KIF21A: variants seen among roughly 807,000 people sequenced by gnomAD.
KIF21A encodes kinesin family member 21A.
A neutral mutation model predicts 202.9 loss-of-function variants in KIF21A; 114 were observed. That is an observed-to-expected ratio of 0.56 (90% CI 0.48 to 0.66). KIF21A has a LOEUF of 0.66. KIF21A is among the 30% of genes least tolerant of loss of function. The pLI, the probability that KIF21A is intolerant of heterozygous loss-of-function variation, is 0.00. For missense variants in KIF21A, 1,677 were observed against 1,994.9 expected (o/e 0.84, Z 3.04); for synonymous variants, 667 against 670.8 (o/e 0.99, Z 0.09).
intron 1 of KIF21A, among the ~76,000 whole-genome samples, chr12:39,382,939 A>G (rs566929215): frequency 6.6e-6 from 1 of 152,336 alleles, no homozygotes; most frequent in African/African-American, 2.4e-5. Context: ...GCGTTACATT[A>G]CTGCATGAAG....
chr12:39,429,231 A>C (rs981410971), intron 1 of KIF21A, among the ~76,000 whole-genome samples: 1 of 152,194 alleles, frequency 6.6e-6, no homozygotes, highest in Non-Finnish European at 1.5e-5. Context: ...AAAAGGAATG[A>C]ATTTCCATTA....
At chr12:39,318,753 G>T (rs980562312) in intron 28 of KIF21A, among the ~76,000 whole-genome samples, 1 of 152,108 alleles carries the variant, frequency 6.6e-6, no homozygotes, top group Non-Finnish European at 1.5e-5. Flanking sequence ...AGGCCGAGGC[G>T]GGCGGATCAT....
chr12:39,330,740 A>G lies in KIF21A; in HGVS notation c.3319+6T>C. 1.2e-6 allele frequency: 2 copies of G among 1,613,686 alleles called. No individual in the cohort carries two copies. The highest frequency in any genetic ancestry group is 1.7e-6 in the Non-Finnish European group (2 of 1,179,602). The stretch of plus-strand genomic sequence containing the variant: ...ATTCATTCAACTAAAATTGAGAGCA[A>G]ATTACCTTGTAAAGCATGGCCTAGT... On this transcript the variant is annotated splice_donor_region_variant and intron_variant, in intron 23 of 37. Transcript: ENST00000361418.
intron 1 of KIF21A, among the ~76,000 whole-genome samples, chr12:39,371,003 C>A (rs556505937): frequency 1.6e-4 from 24 of 152,242 alleles, no homozygotes; most frequent in African/African-American, 3.9e-4. Context: ...AACTTACACA[C>A]TTATTCTCCT....
At chr12:39,351,005 TTGAC>T (rs1948326941) in intron 11 of KIF21A, among the ~76,000 whole-genome samples, 1 of 152,130 alleles carries the variant, frequency 6.6e-6, no homozygotes, top group African/African-American at 2.4e-5. Context: ...TAAATTTAAT[TTGAC>T]TGGCATGCTC....
intron 1 of KIF21A, among the ~76,000 whole-genome samples, chr12:39,427,755 T>C (rs1199795900): frequency 6.6e-6 from 1 of 152,138 alleles, no homozygotes; most frequent in Non-Finnish European, 1.5e-5. Flanking sequence ...ACTTCCTGGG[T>C]TCAAGCAATT....
At chr12:39,440,701 C>CTG (rs759115483) in intron 1 of KIF21A, among the ~76,000 whole-genome samples, 2 of 152,198 alleles carry the variant, frequency 1.3e-5, no homozygotes, top group Non-Finnish European at 2.9e-5. Flanking sequence ...CAAGGTAGCT[C>CTG]TGTTCAGAGA....
At position 39,311,559 on chromosome 12, in the gene KIF21A, G is replaced by A. The variant is rs1247380325; in HGVS notation, c.3960-6C>T. On this transcript the variant is annotated splice_polypyrimidine_tract_variant and splice_region_variant and intron_variant, in intron 31 of 37. Coordinates refer to ENST00000361418, the MANE Select transcript of KIF21A (RefSeq NM_001173464.2). The stretch of plus-strand genomic sequence containing the variant: ...GAAATGGGTTGATTATGCCCCTAAG[G>A]TGGGGAAAAAACAAACAAACCAAGA... 6.2e-7 allele frequency: 1 copy of A among 1,612,426 alleles called. No individual in the cohort carries two copies. The highest frequency in any genetic ancestry group is 1.3e-5 in the African/African-American group (1 of 74,950).
chr12:39,437,040 C>T (rs1420439174), intron 1 of KIF21A, among the ~76,000 whole-genome samples: 2 of 152,002 alleles, frequency 1.3e-5, no homozygotes, highest in South Asian at 2.1e-4. Context: ...TTTATAAGTC[C>T]GAGACTCATC....
intron 7 of KIF21A, among the ~76,000 whole-genome samples, chr12:39,360,013 G>A (rs1486021951): frequency 6.6e-6 from 1 of 152,140 alleles, no homozygotes; most frequent in African/African-American, 2.4e-5. Flanking sequence ...GGAAAGAAGG[G>A]AAGGACTCGC....
At position 39,358,220 on chromosome 12, in the gene KIF21A, A is replaced by C. The variant is rs748441314; in HGVS notation, c.1173T>G (p.Ser391Arg). Reference protein sequence around the residue: ...RASQQINALRSEITRLQMELM... With the variant: ...RASQQINALRREITRLQMELM... The stretch of plus-strand genomic sequence containing the variant: ...GCTCCATCTGAAGTCGTGTGATTTC[A>C]CTACGAAGTGCATTGATTTGCTGAC... The change falls in exon 8 of 38, where the codon AGT becomes AGG. Residue 391 changes from serine to arginine, a missense_variant. By Grantham distance (110) the Ser-to-Arg change is moderately radical. This residue lies in a region of KIF21A where 966 missense variants were observed against 1,180.9 expected (regional missense o/e 0.82). Transcript: ENST00000361418. The C allele has an allele frequency of 1.2e-6, 2 of 1,614,080 alleles. No homozygotes were observed. The highest frequency in any genetic ancestry group is 2.2e-5 in the South Asian group (2 of 91,078).
intron 1 of KIF21A, among the ~76,000 whole-genome samples, chr12:39,424,756 T>G (rs1954612311): frequency 6.6e-6 from 1 of 152,130 alleles, no homozygotes. Flanking sequence ...TTTATGTCAC[T>G]CCTGGAACAT....
intron 1 of KIF21A, among the ~76,000 whole-genome samples, chr12:39,410,769 A>T (rs1953018349): frequency 6.6e-6 from 1 of 152,176 alleles, no homozygotes; most frequent in Non-Finnish European, 1.5e-5. Flanking sequence ...AATAAACAAT[A>T]GAAACATCTA....
chr12:39,423,668 G>C (rs561119701), intron 1 of KIF21A, among the ~76,000 whole-genome samples: 53 of 152,080 alleles, frequency 3.5e-4, no homozygotes, highest in African/African-American at 1.1e-3. Flanking sequence ...GACCAACATG[G>C]AGAAACCCCG....
At chr12:39,332,099 A>T in intron 21 of KIF21A, 115 bp downstream of exon 21, 1 of 951,718 alleles carries the variant, frequency 1.1e-6, no homozygotes, top group Non-Finnish European at 1.6e-6. Context: ...CCTAAGCATT[A>T]GATTAGACCA....
At chr12:39,429,198 T>G (rs903379371) in intron 1 of KIF21A, among the ~76,000 whole-genome samples, 2 of 151,902 alleles carry the variant, frequency 1.3e-5, no homozygotes, top group Non-Finnish European at 2.9e-5. Context: ...TAAATAAGTA[T>G]CCCCCATGTC....
At chr12:39,340,468 C>G in intron 15 of KIF21A, 104 bp from the exon 16 acceptor site, 1 of 818,376 alleles carries the variant, frequency 1.2e-6, no homozygotes, top group South Asian at 1.6e-5. Context: ...TTCCCAAACA[C>G]CCACATCTCA....
At chr12:39,402,302 T>C (rs1291533569) in intron 1 of KIF21A, among the ~76,000 whole-genome samples, 1 of 152,206 alleles carries the variant, frequency 6.6e-6, no homozygotes, top group African/African-American at 2.4e-5. Flanking sequence ...AATGTATTTC[T>C]AGAAAGAAAG....
chr12:39,342,529 A>C (rs1041820401), intron 12 of KIF21A, among the ~76,000 whole-genome samples: 1 of 152,214 alleles, frequency 6.6e-6, no homozygotes, highest in Admixed American at 6.5e-5. Flanking sequence ...AAGATATAAA[A>C]AACTACATTT....
Sources: gnomAD v4.1 joint callset for allele counts (sites outside exome capture counted in the v4.1 genomes callset) on GRCh38, gnomAD v4.1.1 for gene constraint, gnomAD v4.1.1 regional missense constraint, MANE v1.5 for transcripts, NCBI Gene and HGNC (gene_info 2026-07-23, HGNC 2026-07-21) for gene names.